The following RBM47 variants were observed in gnomAD, a reference collection of about 807,000 sequenced individuals.
RBM47 encodes the protein RNA-binding protein 47.
In RBM47, 21 loss-of-function variants were observed where a neutral mutation model predicts 47.1. The observed-to-expected ratio is 0.45, with a 90% CI of 0.32 to 0.64. The LOEUF (loss-of-function observed/expected upper bound fraction) is 0.64, where lower values mean the gene tolerates loss of function less well. Among genes scored for constraint, RBM47 ranks in the 30% least tolerant of loss-of-function variants. The pLI, the probability that RBM47 is intolerant of heterozygous loss-of-function variation, is 0.05. For missense variants in RBM47, 708 were observed against 870.9 expected (o/e 0.81, Z 2.35); for synonymous variants, 375 against 361.7 (o/e 1.04, Z -0.42).
intron 1 of RBM47, among the ~76,000 whole-genome samples, chr4:40,602,982 A>G (rs1310022129): frequency 1.3e-5 from 2 of 152,152 alleles, no homozygotes; most frequent in Non-Finnish European, 2.9e-5. Flanking sequence ...TGAGCCCAGG[A>G]GTTCAAGGCT....
intron 3 of RBM47, among the ~76,000 whole-genome samples, chr4:40,455,923 T>C (rs1716172667): frequency 6.6e-6 from 1 of 152,244 alleles, no homozygotes; most frequent in South Asian, 2.1e-4. Flanking sequence ...CCTGGCAAGA[T>C]ACTTTTTAAA....
At chr4:40,625,282 G>A (rs1737638557) in intron 1 of RBM47, among the ~76,000 whole-genome samples, 1 of 152,148 alleles carries the variant, frequency 6.6e-6, no homozygotes, top group Non-Finnish European at 1.5e-5. Context: ...ATTGATCTAA[G>A]AGAAACAACA....
intron 1 of RBM47, among the ~76,000 whole-genome samples, chr4:40,558,465 G>A (rs1456987886): frequency 2.0e-5 from 3 of 150,300 alleles, no homozygotes; most frequent in African/African-American, 7.4e-5. Context: ...GATCACTTAA[G>A]GTCAGGAGTT....
chr4:40,572,595 C>T (rs1181924080), intron 1 of RBM47, among the ~76,000 whole-genome samples: 1 of 151,502 alleles, frequency 6.6e-6, no homozygotes, highest in African/African-American at 2.4e-5. Context: ...TTGAACAAAA[C>T]AACAACTTAA....
At chr4:40,598,432 G>T (rs142195023) in intron 1 of RBM47, among the ~76,000 whole-genome samples, 1 of 152,056 alleles carries the variant, frequency 6.6e-6, no homozygotes, top group African/African-American at 2.4e-5. Flanking sequence ...TTGTTTTGTA[G>T]AGAGAGGGTT....
At chr4:40,521,681 GA>G (rs1726206302) in intron 2 of RBM47, among the ~76,000 whole-genome samples, 1 of 152,122 alleles carries the variant, frequency 6.6e-6, no homozygotes, top group Non-Finnish European at 1.5e-5. Context: ...ATTTAGACTT[GA>G]ATATTTGGCA....
chr4:40,428,262 T>A (rs1715366714), intron 6 of RBM47, among the ~76,000 whole-genome samples: 1 of 152,118 alleles, frequency 6.6e-6, no homozygotes, highest in Non-Finnish European at 1.5e-5. Context: ...CTATTCTAAG[T>A]GCCTTATTTG....
rs77017654 is a variant in RBM47 at position 40,438,390 on chromosome 4, C to T, written c.504G>A (p.Leu168=). The T allele has an allele frequency of 1.5e-5, 25 of 1,613,036 alleles. No individual in the cohort carries two copies. The East Asian group carries it at 4.0e-4, about 26-fold the overall frequency. ...IPKMKKREEI[L]EEIAKVTEGV... Reference sequence around the variant, plus strand: ...CCTCGGTGACCTTGGCAATCTCCTCCAGGATTTCCTCGCGCTTCTTCATCT... The same window carrying T: ...CCTCGGTGACCTTGGCAATCTCCTCTAGGATTTCCTCGCGCTTCTTCATCT... The change falls in exon 4 of 7, where the codon CTG becomes CTA. Residue 168 remains leucine (L), a synonymous_variant. Coordinates refer to ENST00000295971, the MANE Select transcript of RBM47 (RefSeq NM_001098634.2).
At chr4:40,491,163 A>G (rs1721817558) in intron 2 of RBM47, among the ~76,000 whole-genome samples, 1 of 152,202 alleles carries the variant, frequency 6.6e-6, no homozygotes, top group African/African-American at 2.4e-5. Flanking sequence ...TTCAGGGAAA[A>G]AACCCAAAAC....
rs989251547 is a variant in RBM47, at chr4:40,424,250, C to T, written c.*1654G>A. 1 of 152,568 alleles carries T rather than the reference C, an allele frequency of 6.6e-6. No individual in the cohort carries two copies. The highest frequency in any genetic ancestry group is 1.5e-5 in the Non-Finnish European group (1 of 68,032). 9.5% of individuals were successfully genotyped at this position (152,568 alleles called of 1,614,324 possible). A position where few individuals can be genotyped will look rare whatever the true frequency, so the allele number is the denominator to read the frequency against. On this transcript the variant is annotated 3_prime_UTR_variant, in exon 7 of 7. Coordinates refer to ENST00000295971, the MANE Select transcript of RBM47 (RefSeq NM_001098634.2). ...AAAATTGTATGGATCTCTAACATGA[C>T]ATAAAAACGCAACTGCGTTTTACTT...
chr4:40,498,053 T>TC (rs61545178), intron 2 of RBM47, among the ~76,000 whole-genome samples: 1 of 97,994 alleles, frequency 1.0e-5, no homozygotes, highest in Non-Finnish European at 2.0e-5. Flanking sequence ...AAGTGCTTGT[T>TC]TTATATATAT....
At chr4:40,490,461 A>G (rs982456732) in intron 2 of RBM47, among the ~76,000 whole-genome samples, 3 of 152,228 alleles carry the variant, frequency 2.0e-5, no homozygotes, top group Admixed American at 6.5e-5. Context: ...AGCAATATAG[A>G]AAAATCAATT....
rs1490794975 is a variant in RBM47 at position 40,425,258 on chromosome 4, T to C, written c.*646A>G. ...AGAAGTGCGGCAAGTCTTTTCAATG[T>C]TGGCTTAAGGAGAGATCCAGTGTTT... On this transcript the variant is annotated 3_prime_UTR_variant, in exon 7 of 7. Coordinates refer to ENST00000295971, the MANE Select transcript of RBM47 (RefSeq NM_001098634.2). 1 of 152,696 alleles carries C rather than the reference T, an allele frequency of 6.5e-6. No individual in the cohort carries two copies. Among genetic ancestry groups the C allele is most frequent in the African/African-American group, 2.4e-5 (1 of 41,462 alleles). 9.5% of individuals were successfully genotyped at this position (152,696 alleles called of 1,614,324 possible). A position where few individuals can be genotyped will look rare whatever the true frequency, so the allele number is the denominator to read the frequency against.
chr4:40,433,238 G>C (rs1711628383), intron 5 of RBM47, among the ~76,000 whole-genome samples: 1 of 152,128 alleles, frequency 6.6e-6, no homozygotes, highest in African/African-American at 2.4e-5. Flanking sequence ...TGGGATTACA[G>C]GTGTGAGCCA....
At chr4:40,565,002 G>T (rs1290336819) in intron 1 of RBM47, among the ~76,000 whole-genome samples, 3 of 152,216 alleles carry the variant, frequency 2.0e-5, no homozygotes, top group Non-Finnish European at 4.4e-5. Context: ...AGGTCCGGAA[G>T]TGAACGTGGG....
chr4:40,523,628 G>T (rs575420968), intron 2 of RBM47, among the ~76,000 whole-genome samples: 3 of 151,966 alleles, frequency 2.0e-5, no homozygotes, highest in African/African-American at 7.2e-5. Flanking sequence ...TCCAGCCTGG[G>T]CGCCAAGAGC....
chr4:40,550,477 G>A (rs1303500916), intron 1 of RBM47, among the ~76,000 whole-genome samples: 7 of 152,116 alleles, frequency 4.6e-5, no homozygotes, highest in African/African-American at 1.7e-4. Context: ...GGAATGTAGT[G>A]CTATGATCTC....
chr4:40,481,907 ACTC>A (rs1720488483), intron 2 of RBM47, among the ~76,000 whole-genome samples: 1 of 151,634 alleles, frequency 6.6e-6, no homozygotes, highest in Non-Finnish European at 1.5e-5. Context: ...CTGGTCTCGA[ACTC>A]CTGACCTCAG....
intron 2 of RBM47, among the ~76,000 whole-genome samples, chr4:40,486,236 TA>T (rs1490397703): frequency 2.0e-5 from 3 of 152,120 alleles, no homozygotes; most frequent in African/African-American, 7.2e-5. Context: ...AATGGAATTT[TA>T]AAACATTTAT....
Sources: allele counts gnomAD v4.1 joint callset (sites outside exome capture counted in the v4.1 genomes callset), GRCh38; gene constraint gnomAD v4.1.1; transcripts MANE v1.5; gene names NCBI Gene and HGNC (gene_info 2026-07-23, HGNC 2026-07-21).